The following FRMD4B variants were observed in gnomAD, a reference collection of about 807,000 sequenced individuals.
FRMD4B encodes FERM domain-containing protein 4B.
Under a neutral mutation model 141.5 loss-of-function variants are expected in FRMD4B, and 74 were observed. The observed-to-expected ratio is 0.52, with a 90% confidence interval of 0.43 to 0.63. The LOEUF is 0.63. Ranked by LOEUF, FRMD4B falls within the 30% of genes least tolerant of loss-of-function variation. The probability of loss-of-function intolerance (pLI) is 0.00; values close to 1 mark genes in which losing one functional copy is unlikely to be tolerated. For synonymous variants in FRMD4B, 506 were observed against 467.9 expected, an observed-to-expected ratio of 1.08 and a Z score of -1.05; for missense variants, 1,366 against 1,253.4, an observed-to-expected ratio of 1.09 and a Z score of -1.36.
At chr3:69,406,495 C>T (rs1379429892) in intron 2 of FRMD4B, among the ~76,000 whole-genome samples, 2 of 152,200 alleles carry the variant, frequency 1.3e-5, no homozygotes, top group Non-Finnish European at 2.9e-5. Context: ...TGCCACATTT[C>T]CATTGTAAAA....
At chr3:69,521,613 C>G (rs999274722) in intron 1 of FRMD4B, among the ~76,000 whole-genome samples, 1 of 152,154 alleles carries the variant, frequency 6.6e-6, no homozygotes, top group African/African-American at 2.4e-5. Context: ...AATGCTCAAC[C>G]ATGGCCTACA....
chr3:69,410,200 C>G (rs1704729640), intron 2 of FRMD4B, among the ~76,000 whole-genome samples: 1 of 152,212 alleles, frequency 6.6e-6, no homozygotes, highest in Non-Finnish European at 1.5e-5. Context: ...CCATCTCTTG[C>G]TCCTGACTAT....
intron 1 of FRMD4B, among the ~76,000 whole-genome samples, chr3:69,482,815 G>A (rs981316719): frequency 1.3e-5 from 2 of 152,074 alleles, no homozygotes; most frequent in African/African-American, 4.8e-5. Context: ...CGCATCCCAG[G>A]GTAAACTGTT....
At chr3:69,207,624 A>T (rs964566794) in intron 11 of FRMD4B, among the ~76,000 whole-genome samples, 2 of 152,112 alleles carry the variant, frequency 1.3e-5, no homozygotes, top group African/African-American at 4.8e-5. Flanking sequence ...CTTGGCCAAC[A>T]TGGTGAAACC....
At chr3:69,183,441 T>A (rs1015959536) in intron 19 of FRMD4B, among the ~76,000 whole-genome samples, 10 of 151,652 alleles carry the variant, frequency 6.6e-5, no homozygotes, top group African/African-American at 2.4e-4. Context: ...CTATGTCTAC[T>A]TCCCAGCATG....
At chr3:69,214,887 T>C (rs59766421) in intron 11 of FRMD4B, among the ~76,000 whole-genome samples, 3 of 62,976 alleles carry the variant, frequency 4.8e-5, no homozygotes, top group Admixed American at 1.8e-4. Flanking sequence ...TAATGAATTT[T>C]TTTTTTTTTT....
At chr3:69,293,305 G>T (rs567894960) in intron 4 of FRMD4B, among the ~76,000 whole-genome samples, 17 of 152,134 alleles carry the variant, frequency 1.1e-4, no homozygotes, top group African/African-American at 3.6e-4. Context: ...ACACTAGGGA[G>T]TGGGAGAGAC....
intron 1 of FRMD4B, among the ~76,000 whole-genome samples, chr3:69,330,340 C>CTCT (rs1225031283): frequency 4.7e-5 from 2 of 42,928 alleles, no homozygotes; most frequent in African/African-American, 2.4e-4. Context: ...ATTCTTTTGC[C>CTCT]TTTTTTTTTT....
intron 1 of FRMD4B, among the ~76,000 whole-genome samples, chr3:69,473,286 C>T (rs1315742003): frequency 6.6e-6 from 1 of 152,094 alleles, no homozygotes; most frequent in Non-Finnish European, 1.5e-5. Context: ...CAGGTGCAAT[C>T]TTCTATCCAG....
chr3:69,345,236 T>C (rs1288706258), intron 1 of FRMD4B, among the ~76,000 whole-genome samples: 2 of 152,212 alleles, frequency 1.3e-5, no homozygotes, highest in Admixed American at 6.5e-5. Flanking sequence ...GCCTCGCTCA[T>C]GGCTAGCACA....
chr3:69,503,694 T>C lies in FRMD4B; in HGVS notation c.-129+38512A>G, dbSNP rs1706543391. Among the ~76,000 whole-genome samples the C allele has an allele frequency of 4.6e-5, 7 of 151,986 alleles. 1 individual carries two copies. The South Asian group carries it at 1.5e-3, about 32-fold the overall frequency. On this transcript the variant is annotated intron_variant, in intron 1 of 5. Transcript: ENST00000459638. ...GAACTTAAAGTATAATAAAAACAAA[T>C]AGAGACATAAACTTTGAATATGCTT...
intron 1 of FRMD4B, among the ~76,000 whole-genome samples, chr3:69,455,571 G>A (rs535230906): frequency 6.6e-6 from 1 of 152,200 alleles, no homozygotes; most frequent in East Asian, 1.9e-4. Flanking sequence ...ACGTCCGACG[G>A]AACATCAGAA....
chr3:69,331,178 G>T (rs1012438433), intron 1 of FRMD4B, among the ~76,000 whole-genome samples: 8 of 152,170 alleles, frequency 5.3e-5, no homozygotes, highest in African/African-American at 1.7e-4. Flanking sequence ...GGTAGAGTAG[G>T]ATCACTCAAA....
intron 1 of FRMD4B, among the ~76,000 whole-genome samples, chr3:69,508,116 T>G (rs915339048): frequency 3.3e-5 from 5 of 152,240 alleles, no homozygotes; most frequent in African/African-American, 1.2e-4. Context: ...AAACAGCATT[T>G]CATTGACTCT....
At chr3:69,239,178 T>A (rs1316342220) in intron 7 of FRMD4B, among the ~76,000 whole-genome samples, 2 of 152,168 alleles carry the variant, frequency 1.3e-5, no homozygotes, top group Admixed American at 6.5e-5. Flanking sequence ...GCCTAGAAAC[T>A]CACTTTTCCA....
intron 1 of FRMD4B, among the ~76,000 whole-genome samples, chr3:69,367,691 A>T (rs1575768992): frequency 6.6e-6 from 1 of 152,228 alleles, no homozygotes; most frequent in South Asian, 2.1e-4. Context: ...AGAATCCCAT[A>T]GTACCGAGGT....
intron 7 of FRMD4B, among the ~76,000 whole-genome samples, chr3:69,247,703 C>T (rs2093434206): frequency 6.6e-6 from 1 of 152,170 alleles, no homozygotes; most frequent in Admixed American, 6.5e-5. Context: ...GGCCGGACTG[C>T]AGTGGCACTA....
intron 1 of FRMD4B, among the ~76,000 whole-genome samples, chr3:69,455,178 G>A (rs1575807899): frequency 6.6e-6 from 1 of 152,280 alleles, no homozygotes; most frequent in Middle Eastern, 3.4e-3. Flanking sequence ...CTGTAAAATG[G>A]ACCAATCAGC....
chr3:69,377,953 G>A lies in FRMD4B; in HGVS notation c.162+7875C>T, dbSNP rs540263205. On this transcript the variant is annotated intron_variant, in intron 1 of 22. Transcript: ENST00000398540. ...AGCCTCCCGAGTAGCTGGGACTACA[G>A]GTGTGTGCCACCACACTTGGCTAAT... Among the ~76,000 whole-genome samples, 4 of 151,076 alleles carry A rather than the reference G, an allele frequency of 2.6e-5. No homozygotes were observed. In the East Asian group the frequency reaches 5.9e-4, roughly 22 times the overall value.
Sources: gnomAD v4.1 joint callset for allele counts (sites outside exome capture counted in the v4.1 genomes callset) on GRCh38, gnomAD v4.1.1 for gene constraint, MANE v1.5 for transcripts, NCBI Gene and HGNC (gene_info 2026-07-23, HGNC 2026-07-21) for gene names.